RASEF: variants seen among roughly 807,000 people sequenced by gnomAD.
RASEF encodes the protein RAS and EF-hand domain containing, also known as ras and EF-hand domain-containing protein.
Under a neutral mutation model 90.1 loss-of-function variants are expected in RASEF, and 68 were observed. The ratio of observed to expected loss-of-function variants is 0.75; its 90% CI spans 0.62 to 0.92. The LOEUF is 0.92. RASEF is among the 40% of genes least tolerant of loss of function. RASEF has a pLI of 0.00. For synonymous variants in RASEF, 331 were observed against 345.2 expected (o/e 0.96, Z 0.46); for missense variants, 949 against 937.2 (o/e 1.01, Z -0.16).
At chr9:83,212,867 T>C in the RASEF span, among the ~76,000 whole-genome samples, 1 of 149,710 alleles carries the variant, frequency 6.7e-6, no homozygotes, top group Non-Finnish European at 1.5e-5. Context: ...AGAGAGAGAG[T>C]GGGGAGAAAA....
the RASEF span, among the ~76,000 whole-genome samples, chr9:83,196,225 G>T: frequency 2.0e-5 from 3 of 152,044 alleles, no homozygotes; most frequent in African/African-American, 7.2e-5. Context: ...TTAATGTCAG[G>T]GCTGCGAAAA....
intron 1 of RASEF, among the ~76,000 whole-genome samples, chr9:83,053,671 A>T (rs1223910877): frequency 6.9e-6 from 1 of 144,390 alleles, no homozygotes; most frequent in Non-Finnish European, 1.5e-5. Context: ...ATGATTTTGC[A>T]GCGGCTGGTA....
At chr9:83,193,640 C>CA in the RASEF span, among the ~76,000 whole-genome samples, 1 of 152,138 alleles carries the variant, frequency 6.6e-6, no homozygotes, top group African/African-American at 2.4e-5. Context: ...TATGGAGATA[C>CA]ATATTAATAT....
the RASEF span, among the ~76,000 whole-genome samples, chr9:83,214,399 T>A: frequency 6.6e-6 from 1 of 152,070 alleles, no homozygotes; most frequent in Non-Finnish European, 1.5e-5. Flanking sequence ...AATAAATAAA[T>A]AAATATTAAT....
At chr9:83,131,976 A>G in the RASEF span, among the ~76,000 whole-genome samples, 16 of 152,180 alleles carry the variant, frequency 1.1e-4, no homozygotes, top group Admixed American at 1.0e-3. Context: ...ATTAAATTAA[A>G]AAAGAGGGTT....
At chr9:83,141,422 T>A in the RASEF span, among the ~76,000 whole-genome samples, 1 of 151,974 alleles carries the variant, frequency 6.6e-6, no homozygotes, top group Non-Finnish European at 1.5e-5. Context: ...GAAAAAAGAA[T>A]AAAAAATTAA....
chr9:83,094,008 G>A, the RASEF span, among the ~76,000 whole-genome samples: 19 of 152,048 alleles, frequency 1.2e-4, no homozygotes, highest in Non-Finnish European at 2.6e-4. Flanking sequence ...AAGACTTCTC[G>A]GTGATTTTGA....
intron 2 of RASEF, among the ~76,000 whole-genome samples, chr9:83,023,935 G>A (rs1018704678): frequency 1.3e-5 from 2 of 152,188 alleles, no homozygotes; most frequent in East Asian, 3.8e-4. Context: ...TAATCACAGA[G>A]TGCTTGCCCC....
the RASEF span, among the ~76,000 whole-genome samples, chr9:83,153,456 A>C: frequency 1.3e-5 from 2 of 152,224 alleles, no homozygotes; most frequent in African/African-American, 4.8e-5. Context: ...CGCTGAGTTT[A>C]AGAAGACCTT....
At chr9:83,119,400 C>T in the RASEF span, among the ~76,000 whole-genome samples, 1 of 152,072 alleles carries the variant, frequency 6.6e-6, no homozygotes, top group African/African-American at 2.4e-5. Flanking sequence ...TTAAAACATC[C>T]TATAAGGAAA....
the RASEF span, among the ~76,000 whole-genome samples, chr9:83,138,037 G>A: frequency 5.3e-5 from 8 of 151,498 alleles, no homozygotes; most frequent in Non-Finnish European, 1.0e-4. Flanking sequence ...ACAAATACTA[G>A]ATACTAAGAG....
the RASEF span, among the ~76,000 whole-genome samples, chr9:83,198,641 A>G: frequency 1.3e-5 from 2 of 152,158 alleles, no homozygotes; most frequent in African/African-American, 4.8e-5. Context: ...CAGCCCTGCA[A>G]CATTTCAGGC....
chr9:83,021,569 G>C (rs1309618285), intron 3 of RASEF, among the ~76,000 whole-genome samples: 1 of 152,168 alleles, frequency 6.6e-6, no homozygotes, highest in Admixed American at 6.5e-5. Context: ...CATACAATCA[G>C]CCCTTCATAT....
At chr9:82,999,246 T>C (rs759085813) in intron 12 of RASEF, among the ~76,000 whole-genome samples, 69 of 152,224 alleles carry the variant, frequency 4.5e-4, no homozygotes, top group Non-Finnish European at 1.5e-4. Flanking sequence ...ACTTGTTCTA[T>C]TGTTCTGTTG....
chr9:83,059,757 G>A (rs903938801), intron 1 of RASEF, among the ~76,000 whole-genome samples: 30 of 152,078 alleles, frequency 2.0e-4, no homozygotes, highest in South Asian at 1.7e-3. Flanking sequence ...ACCAGGAAGT[G>A]GTCAAGGCCC....
chr9:83,071,145 T>G, the RASEF span, among the ~76,000 whole-genome samples: 2 of 152,210 alleles, frequency 1.3e-5, no homozygotes, highest in African/African-American at 2.4e-5. Flanking sequence ...TGATTTGGAC[T>G]TCTAATACAA....
the RASEF span, among the ~76,000 whole-genome samples, chr9:83,145,049 T>C: frequency 0.036 from 5,467 of 152,232 alleles, 317 homozygotes; most frequent in African/African-American, 0.12. Flanking sequence ...GTTTAAAAAG[T>C]TTTTTAATTA....
chr9:83,192,749 A>C, the RASEF span, among the ~76,000 whole-genome samples: 1 of 149,700 alleles, frequency 6.7e-6, no homozygotes. Context: ...TGCTACCTTC[A>C]CCAGAAAAAA....
chr9:83,199,668 A>G, the RASEF span, among the ~76,000 whole-genome samples: 3 of 152,254 alleles, frequency 2.0e-5, no homozygotes, highest in Non-Finnish European at 2.9e-5. Context: ...TTGAAGACTC[A>G]GAAACTAGAA....
Sources: gnomAD v4.1 joint callset for allele counts (sites outside exome capture counted in the v4.1 genomes callset) on GRCh38, gnomAD v4.1.1 for gene constraint, MANE v1.5 for transcripts, NCBI Gene and HGNC (gene_info 2026-07-23, HGNC 2026-07-21) for gene names.